ATP8B4: variants seen among roughly 807,000 people sequenced by gnomAD.
ATP8B4 encodes the protein ATPase phospholipid transporting 8B4 (putative).
ATP8B4 carries 133 observed loss-of-function variants against 145.6 expected under a neutral mutation model. The observed-to-expected ratio is 0.91, with a 90% CI of 0.79 to 1.05. The LOEUF is 1.05. Ranked by LOEUF, ATP8B4 falls within the 50% of genes least tolerant of loss-of-function variation. The pLI, the probability that ATP8B4 is intolerant of heterozygous loss-of-function variation, is 0.00. For missense variants in ATP8B4, 1,458 were observed against 1,425.2 expected, an observed-to-expected ratio of 1.02 and a Z score of -0.37; for synonymous variants, 507 against 492.9, an observed-to-expected ratio of 1.03 and a Z score of -0.38.
At chr15:50,054,762 C>T (rs149652550) in intron 3 of ATP8B4, among the ~76,000 whole-genome samples, 9,740 of 112,830 alleles carry the variant, frequency 0.086, 392 homozygotes, top group Middle Eastern at 0.12. Flanking sequence ...CCAGCCTGGG[C>T]GACAGAGGGA....
chr15:50,132,405 A>G (rs1004024249), intron 1 of ATP8B4, among the ~76,000 whole-genome samples: 7 of 152,204 alleles, frequency 4.6e-5, no homozygotes, highest in African/African-American at 1.7e-4. Context: ...CAAAACCACA[A>G]TAAGACACCA....
intron 3 of ATP8B4, among the ~76,000 whole-genome samples, chr15:50,060,655 T>C (rs2052943912): frequency 1.3e-5 from 2 of 152,194 alleles, no homozygotes; most frequent in African/African-American, 4.8e-5. Flanking sequence ...CACCACCTCT[T>C]TGCTTTTGCC....
intron 6 of ATP8B4, among the ~76,000 whole-genome samples, chr15:50,031,570 T>G (rs898333029): frequency 1.5e-4 from 3 of 20,012 alleles, no homozygotes; most frequent in African/African-American, 4.9e-3. Context: ...ATCTTTGGGT[T>G]TTTTTTTGTT....
At chr15:50,094,584 A>C (rs950607416) in intron 2 of ATP8B4, among the ~76,000 whole-genome samples, 5 of 148,838 alleles carry the variant, frequency 3.4e-5, no homozygotes, top group African/African-American at 7.3e-5. Context: ...GTATATACAC[A>C]TATATACAAA....
At chr15:49,924,923 A>G (rs551898674) in intron 16 of ATP8B4, among the ~76,000 whole-genome samples, 38 of 152,336 alleles carry the variant, frequency 2.5e-4, no homozygotes, top group Non-Finnish European at 4.7e-4. Context: ...CAATAATCCA[A>G]TTGAATAATT....
chr15:50,132,760 C>T (rs1362907972), intron 1 of ATP8B4, among the ~76,000 whole-genome samples: 3 of 152,184 alleles, frequency 2.0e-5, no homozygotes, highest in Non-Finnish European at 4.4e-5. Context: ...CACATGTACA[C>T]CATGGAATAC....
rs114034799 is a variant in ATP8B4 at position 50,111,222 on chromosome 15, G to A, written c.-42-4214C>T. On this transcript the variant is annotated intron_variant, in intron 1 of 27. Transcript: ENST00000284509. ...AGAGTCTCTTTAATGATCTGAGGCCGTTCAGCAGTCAAGTTATTACAGCTA... is the reference window on the plus strand; with the variant it reads ...AGAGTCTCTTTAATGATCTGAGGCCATTCAGCAGTCAAGTTATTACAGCTA... Among the ~76,000 whole-genome samples the A allele has an allele frequency of 7.4e-3, 1,120 of 152,230 alleles. 13 individuals carry two copies. Among genetic ancestry groups the A allele is most frequent in the African/African-American group, 0.026 (1,082 of 41,538 alleles).
intron 25 of ATP8B4, among the ~76,000 whole-genome samples, chr15:49,876,006 T>C (rs561168650): frequency 7.2e-5 from 11 of 152,286 alleles, no homozygotes; most frequent in African/African-American, 2.6e-4. Flanking sequence ...AATAATAGTA[T>C]AATCATTTCT....
intron 1 of ATP8B4, among the ~76,000 whole-genome samples, chr15:50,180,767 T>A (rs1261746740): frequency 6.6e-6 from 1 of 152,034 alleles, no homozygotes; most frequent in Non-Finnish European, 1.5e-5. Flanking sequence ...CCCAGGGAAA[T>A]GATGCAACCA....
At chr15:50,078,479 A>G (rs1186494390) in intron 2 of ATP8B4, among the ~76,000 whole-genome samples, 6 of 152,144 alleles carry the variant, frequency 3.9e-5, no homozygotes, top group African/African-American at 1.2e-4. Context: ...TAGAATGGAC[A>G]AGACGAAAGA....
intron 6 of ATP8B4, among the ~76,000 whole-genome samples, chr15:50,037,167 C>A (rs2050900447): frequency 6.6e-6 from 1 of 152,128 alleles, no homozygotes; most frequent in Non-Finnish European, 1.5e-5. Context: ...AAAAGATATG[C>A]TAGAGTTATT....
rs112671991 is a variant in ATP8B4 at position 49,981,233 on chromosome 15, A to G, written c.810T>C (p.Asp270=). 5.8e-5 allele frequency: 93 copies of G among 1,609,940 alleles called. No individual in the cohort carries two copies. The highest frequency in any genetic ancestry group is 2.0e-4 in the African/African-American group (15 of 74,962). Reference sequence around the variant, plus strand: ...ATAGTACTAGAGTATTCATCAATCTATCAATGCTTGTCCTTTTAAACTTTG... The same window carrying G: ...ATAGTACTAGAGTATTCATCAATCTGTCAATGCTTGTCCTTTTAAACTTTG... ...GKTKFKRTSI[D]RLMNTLVLWI... Residue 270 remains aspartate, a synonymous_variant, in exon 11 of 28, where the codon GAT becomes GAC. Coordinates refer to ENST00000284509, the MANE Select transcript of ATP8B4 (RefSeq NM_024837.4).
chr15:49,888,149 C>T (rs567280113), intron 23 of ATP8B4, among the ~76,000 whole-genome samples: 80 of 152,290 alleles, frequency 5.3e-4, no homozygotes, highest in Admixed American at 1.1e-3. Flanking sequence ...AGTAAAAACC[C>T]GCTCGCAGCA....
At chr15:50,071,009 G>A (rs1408924117) in intron 3 of ATP8B4, among the ~76,000 whole-genome samples, 2 of 152,096 alleles carry the variant, frequency 1.3e-5, no homozygotes, top group Admixed American at 1.3e-4. Context: ...CCAAAGTTCT[G>A]GGATTACAGG....
chr15:50,037,728 G>C (rs1012525562), intron 6 of ATP8B4, among the ~76,000 whole-genome samples: 2 of 152,134 alleles, frequency 1.3e-5, no homozygotes, highest in African/African-American at 2.4e-5. Context: ...TGTCACACCA[G>C]GATCACACTT....
At chr15:50,032,673 A>G (rs2050537397) in intron 6 of ATP8B4, among the ~76,000 whole-genome samples, 2 of 152,228 alleles carry the variant, frequency 1.3e-5, no homozygotes, top group South Asian at 4.1e-4. Flanking sequence ...ATTGTGAGAT[A>G]TGCACTGGAT....
intron 6 of ATP8B4, among the ~76,000 whole-genome samples, chr15:50,023,094 T>G (rs959616556): frequency 6.6e-6 from 1 of 152,198 alleles, no homozygotes; most frequent in East Asian, 1.9e-4. Context: ...AGCTCCAGGA[T>G]GAAGTTTTTC....
Position 50,134,301 on chromosome 15 carries a change from T to G in ATP8B4, c.-42-27293A>C, listed in dbSNP as rs182818145. 2.6e-5 allele frequency among the ~76,000 whole-genome samples: 4 copies of G among 152,250 alleles called. No homozygotes were observed. The East Asian group carries it at 7.7e-4, about 29-fold the overall frequency. ...AAAAATAACTATGGCAAGTAAACTA[T>G]GCAATGATCAGCGCTCTTATAAAGG... On this transcript the variant is annotated intron_variant, in intron 1 of 3. Coordinates refer to the ATP8B4 transcript ENST00000558829.
intron 1 of ATP8B4, among the ~76,000 whole-genome samples, chr15:50,136,203 T>C (rs948847202): frequency 6.6e-6 from 1 of 152,166 alleles, no homozygotes; most frequent in Admixed American, 6.5e-5. Flanking sequence ...CAGGGAGATG[T>C]TGGCTTTCTC....
Sources: allele counts gnomAD v4.1 joint callset (sites outside exome capture counted in the v4.1 genomes callset), GRCh38; gene constraint gnomAD v4.1.1; transcripts MANE v1.5; gene names NCBI Gene and HGNC (gene_info 2026-07-23, HGNC 2026-07-21).